The following SASS6 variants were observed in gnomAD, a reference collection of about 807,000 sequenced individuals.
SASS6 encodes the protein spindle assembly abnormal protein 6 homolog.
In SASS6, 59 loss-of-function variants were observed where a neutral mutation model predicts 94.9. The observed-to-expected ratio is 0.62, with a 90% CI of 0.50 to 0.77. The LOEUF (loss-of-function observed/expected upper bound fraction) is 0.77, where lower values mean the gene tolerates loss of function less well. SASS6 is among the 30% of genes least tolerant of loss of function. The probability of loss-of-function intolerance (pLI) is 0.00; values close to 1 mark genes in which losing one functional copy is unlikely to be tolerated. For synonymous variants in SASS6, 264 were observed against 270.0 expected, an observed-to-expected ratio of 0.98 and a Z score of 0.22; for missense variants, 698 against 734.1, an observed-to-expected ratio of 0.95 and a Z score of 0.57.
intron 1 of SASS6, 131 bp downstream of exon 1, chr1:100,132,619 C>T: frequency 1.3e-6 from 1 of 798,854 alleles, no homozygotes; most frequent in Non-Finnish European, 2.2e-6. Context: ...CTCTGGGTTC[C>T]CTATCCGCTT....
chr1:100,110,741 C>T (rs946166358), intron 7 of SASS6, among the ~76,000 whole-genome samples: 5 of 151,688 alleles, frequency 3.3e-5, no homozygotes, highest in African/African-American at 7.3e-5. Context: ...TCTTCTAAAT[C>T]CATATATGTT....
intron 7 of SASS6, among the ~76,000 whole-genome samples, chr1:100,113,644 C>CA (rs371881324): frequency 5.5e-4 from 71 of 130,000 alleles, no homozygotes; most frequent in East Asian, 2.4e-3. Context: ...AAAATCAAGC[C>CA]AAAAAAAAAA....
intron 13 of SASS6, among the ~76,000 whole-genome samples, chr1:100,103,371 T>G (rs1652648449): frequency 2.0e-5 from 3 of 152,192 alleles, no homozygotes; most frequent in African/African-American, 4.8e-5. Context: ...CCAACTTGTT[T>G]CACTCTAAGT....
intron 7 of SASS6, among the ~76,000 whole-genome samples, chr1:100,112,286 G>C (rs2101671176): frequency 6.6e-6 from 1 of 152,150 alleles, no homozygotes; most frequent in Non-Finnish European, 1.5e-5. Context: ...ATAATGATAT[G>C]AATGGGAAAA....
intron 1 of SASS6, 98 bp downstream of exon 1, chr1:100,132,652 C>G: frequency 2.0e-6 from 2 of 1,012,802 alleles, no homozygotes; most frequent in East Asian, 2.4e-5. Flanking sequence ...GACTCGACAC[C>G]TAGGTGCAAG....
intron 1 of SASS6, among the ~76,000 whole-genome samples, chr1:100,130,689 GA>G (rs369101016): frequency 3.4e-4 from 46 of 135,144 alleles, no homozygotes; most frequent in African/African-American, 8.0e-4. Context: ...ACTCTGTCTA[GA>G]AAAAAAAAAA....
Position 100,107,667 on chromosome 1 carries a change from A to G in SASS6, c.1107T>C (p.Leu369=). The G allele has an allele frequency of 6.2e-7, 1 of 1,606,544 alleles. No homozygotes were observed. The highest frequency in any genetic ancestry group is 8.5e-7 in the Non-Finnish European group (1 of 1,176,716). The stretch of plus-strand genomic sequence containing the variant: ...CAGATAATGATTTTATTGTAGCTTC[A>G]AGCTTTCCTAGTTGTACTTGATTTT... ...GEKNQVQLGK[L]EATIKSLSAE... is the part of the protein sequence containing the mutation. The change falls in exon 10 of 17, where the codon CTT becomes CTC. Residue 369 remains leucine, a synonymous_variant. Coordinates refer to ENST00000287482, the MANE Select transcript of SASS6 (RefSeq NM_194292.3).
intron 1 of SASS6, among the ~76,000 whole-genome samples, chr1:100,131,498 TTC>T (rs1655022851): frequency 6.6e-6 from 1 of 152,226 alleles, no homozygotes; most frequent in Non-Finnish European, 1.5e-5. Flanking sequence ...ATATTTTACA[TTC>T]TTTTTTCATA....
At chr1:100,097,153 T>C (rs1557881643) in intron 14 of SASS6, among the ~76,000 whole-genome samples, 1 of 152,174 alleles carries the variant, frequency 6.6e-6, no homozygotes, top group Non-Finnish European at 1.5e-5. Context: ...CTTCTATGCA[T>C]GTATTAGAAT....
At chr1:100,119,802 A>T (rs1433275879) in intron 6 of SASS6, among the ~76,000 whole-genome samples, 1 of 152,196 alleles carries the variant, frequency 6.6e-6, no homozygotes. Context: ...TCAGGTCCCC[A>T]CTAGAAGCCA....
chr1:100,117,517 G>A (rs1653887910), intron 7 of SASS6, among the ~76,000 whole-genome samples: 1 of 151,952 alleles, frequency 6.6e-6, no homozygotes, highest in Non-Finnish European at 1.5e-5. Flanking sequence ...AGGCATGGTG[G>A]TGGCATGCGC....
intron 14 of SASS6, among the ~76,000 whole-genome samples, chr1:100,094,458 G>T (rs1423774209): frequency 1.3e-5 from 2 of 152,162 alleles, no homozygotes; most frequent in East Asian, 3.9e-4. Context: ...ATTTTATGAG[G>T]CCAGTATTGT....
At chr1:100,088,574 G>A (rs1014561294) in intron 14 of SASS6, among the ~76,000 whole-genome samples, 10 of 150,024 alleles carry the variant, frequency 6.7e-5, no homozygotes, top group Non-Finnish European at 1.0e-4. Flanking sequence ...ACAGGGATGA[G>A]CCACCATTAC....
At chr1:100,098,722 C>T (rs1054217167) in intron 14 of SASS6, among the ~76,000 whole-genome samples, 32 of 151,302 alleles carry the variant, frequency 2.1e-4, no homozygotes, top group Admixed American at 1.3e-4. Flanking sequence ...ATAGTACATC[C>T]GTATACTGGA....
At chr1:100,132,092 A>C (rs1203461705) in intron 1 of SASS6, among the ~76,000 whole-genome samples, 1 of 152,180 alleles carries the variant, frequency 6.6e-6, no homozygotes, top group Non-Finnish European at 1.5e-5. Flanking sequence ...TATTTCCTCC[A>C]GTGATTGTAA....
intron 1 of SASS6, among the ~76,000 whole-genome samples, chr1:100,127,369 G>A (rs2784178): frequency 0.95 from 144,766 of 152,346 alleles, 68,808 homozygotes; most frequent in East Asian, 1. Flanking sequence ...GTACTGATAG[G>A]AAAACTTGGA....
At chr1:100,094,137 CAG>C (rs1262938233) in intron 14 of SASS6, among the ~76,000 whole-genome samples, 1 of 152,106 alleles carries the variant, frequency 6.6e-6, no homozygotes, top group Non-Finnish European at 1.5e-5. Context: ...GATGTTACAG[CAG>C]AGTCTATAGA....
chr1:100,085,122 C>T lies in SASS6; in HGVS notation c.*206G>A. The T allele has an allele frequency of 4.1e-6, 2 of 489,108 alleles. No homozygotes were observed. The highest frequency in any genetic ancestry group is 3.6e-5 in the South Asian group (1 of 27,446). The allele number at this position is 489,108 out of a possible 1,614,324, so 30.3% of individuals were successfully genotyped here. A position where few individuals can be genotyped will look rare whatever the true frequency, so the allele number is the denominator to read the frequency against. The stretch of plus-strand genomic sequence containing the variant: ...GCCATGTTCACAAACCAAAAAATGT[C>T]ATTTACTCACAATCTTTACCAATCC... On this transcript the variant is annotated 3_prime_UTR_variant, in exon 17 of 17. Transcript: ENST00000287482.
At chr1:100,130,709 G>A (rs1654944901) in intron 1 of SASS6, among the ~76,000 whole-genome samples, 1 of 149,084 alleles carries the variant, frequency 6.7e-6, no homozygotes, top group Non-Finnish European at 1.5e-5. Flanking sequence ...AAAAAAGAGA[G>A]AGAGAAAGAG....
Sources: gnomAD v4.1 joint callset for allele counts (sites outside exome capture counted in the v4.1 genomes callset) on GRCh38, gnomAD v4.1.1 for gene constraint, MANE v1.5 for transcripts, NCBI Gene and HGNC (gene_info 2026-07-23, HGNC 2026-07-21) for gene names.